NKAIN2: variants seen among roughly 807,000 people sequenced by gnomAD.
The protein encoded by NKAIN2 is sodium/potassium transporting ATPase interacting 2.
NKAIN2 carries 14 observed loss-of-function variants against 32.6 expected under a neutral mutation model. That is an observed-to-expected ratio of 0.43 (90% confidence interval 0.28 to 0.67). NKAIN2 has a LOEUF of 0.67. Ranked by LOEUF, NKAIN2 falls within the 30% of genes least tolerant of loss-of-function variation. NKAIN2 has a pLI of 0.17. For synonymous variants in NKAIN2, 80 were observed against 87.2 expected, an observed-to-expected ratio of 0.92 and a Z score of 0.46; for missense variants, 198 against 258.3, an observed-to-expected ratio of 0.77 and a Z score of 1.60.
At chr6:124,504,590 G>A (rs961772980) in intron 3 of NKAIN2, among the ~76,000 whole-genome samples, 1 of 152,068 alleles carries the variant, frequency 6.6e-6, no homozygotes, top group African/African-American at 2.4e-5. Flanking sequence ...AAATTATTTT[G>A]AGCACAAGCT....
At chr6:124,439,115 T>C (rs1775582932) in intron 3 of NKAIN2, among the ~76,000 whole-genome samples, 1 of 152,174 alleles carries the variant, frequency 6.6e-6, no homozygotes, top group Non-Finnish European at 1.5e-5. Flanking sequence ...CAATAGCTAA[T>C]GGCATCTCCA....
chr6:124,161,246 A>G lies in NKAIN2; in HGVS notation c.55-121759A>G, dbSNP rs1788261798. 1.3e-5 allele frequency among the ~76,000 whole-genome samples: 2 copies of G among 152,238 alleles called. 1 individual carries two copies. The highest frequency in any genetic ancestry group is 1.3e-4 in the Admixed American group (2 of 15,276). ...GAGAAACAGGCATGTCTTACATGGC[A>G]GGAGCAGGACTAAGAGAGTGATAAG... On this transcript the variant is annotated intron_variant, in intron 1 of 6. Coordinates refer to ENST00000368417, the MANE Select transcript of NKAIN2 (RefSeq NM_001040214.3).
At chr6:124,461,732 G>A (rs1478560479) in intron 3 of NKAIN2, among the ~76,000 whole-genome samples, 1 of 151,780 alleles carries the variant, frequency 6.6e-6, no homozygotes, top group Non-Finnish European at 1.5e-5. Flanking sequence ...CTCATTGAAG[G>A]AGAGCCTATT....
intron 4 of NKAIN2, among the ~76,000 whole-genome samples, chr6:124,750,250 C>T (rs745519625): frequency 6.6e-5 from 10 of 151,814 alleles, no homozygotes; most frequent in Non-Finnish European, 1.2e-4. Flanking sequence ...CTCATTTTTC[C>T]TCCAGGCTTA....
intron 3 of NKAIN2, among the ~76,000 whole-genome samples, chr6:124,413,151 G>C (rs945422505): frequency 1.1e-4 from 17 of 152,086 alleles, no homozygotes; most frequent in African/African-American, 4.1e-4. Flanking sequence ...CCCTGCTTCG[G>C]CTCACACACG....
intron 1 of NKAIN2, among the ~76,000 whole-genome samples, chr6:124,019,875 A>G (rs1780788519): frequency 6.6e-6 from 1 of 152,308 alleles, no homozygotes; most frequent in African/African-American, 2.4e-5. Context: ...TTTATTATAT[A>G]AGACATATTA....
chr6:124,201,690 A>C (rs1790596417), intron 1 of NKAIN2, among the ~76,000 whole-genome samples: 1 of 152,016 alleles, frequency 6.6e-6, no homozygotes, highest in South Asian at 2.1e-4. Flanking sequence ...GTGGCCATAC[A>C]TAGAGATACA....
At chr6:124,615,734 T>C (rs933130726) in intron 3 of NKAIN2, among the ~76,000 whole-genome samples, 1 of 152,214 alleles carries the variant, frequency 6.6e-6, no homozygotes, top group Non-Finnish European at 1.5e-5. Flanking sequence ...ACATAGATAT[T>C]ACACCTTTTG....
At chr6:124,751,080 G>T (rs1056219164) in intron 4 of NKAIN2, among the ~76,000 whole-genome samples, 12 of 152,010 alleles carry the variant, frequency 7.9e-5, no homozygotes, top group Non-Finnish European at 1.5e-4. Context: ...ACCTGTGTTT[G>T]CTCATTGGCC....
At chr6:124,178,164 C>T (rs1409401143) in intron 1 of NKAIN2, among the ~76,000 whole-genome samples, 1 of 152,128 alleles carries the variant, frequency 6.6e-6, no homozygotes, top group Admixed American at 6.6e-5. Flanking sequence ...CTTCAATAGA[C>T]TCCAAATTTT....
chr6:124,071,040 A>G (rs113593973), intron 1 of NKAIN2, among the ~76,000 whole-genome samples: 4,610 of 152,294 alleles, frequency 0.03, 159 homozygotes, highest in African/African-American at 0.084. Flanking sequence ...TGCTCTGGAC[A>G]AAGACACATT....
chr6:124,232,805 A>G (rs1284939044), intron 1 of NKAIN2, among the ~76,000 whole-genome samples: 1 of 152,158 alleles, frequency 6.6e-6, no homozygotes, highest in Non-Finnish European at 1.5e-5. Flanking sequence ...TTTCCAGTAT[A>G]TTCTGTTACT....
At chr6:124,422,938 A>G (rs1057113261) in intron 3 of NKAIN2, among the ~76,000 whole-genome samples, 13 of 152,260 alleles carry the variant, frequency 8.5e-5, no homozygotes, top group African/African-American at 3.1e-4. Context: ...CCTCAACTTC[A>G]TGACATACAA....
At chr6:124,087,627 G>T (rs551544411) in intron 1 of NKAIN2, among the ~76,000 whole-genome samples, 6 of 151,928 alleles carry the variant, frequency 3.9e-5, no homozygotes, top group Admixed American at 1.3e-4. Context: ...TGTGGCTATT[G>T]GGAACTCTGG....
chr6:123,911,839 A>G (rs1388719919), intron 1 of NKAIN2, among the ~76,000 whole-genome samples: 2 of 145,304 alleles, frequency 1.4e-5, no homozygotes, highest in African/African-American at 5.1e-5. Flanking sequence ...ACACACACAC[A>G]CACACACACA....
At chr6:124,531,703 C>T (rs1368341361) in intron 3 of NKAIN2, among the ~76,000 whole-genome samples, 1 of 152,110 alleles carries the variant, frequency 6.6e-6, no homozygotes, top group Admixed American at 6.5e-5. Flanking sequence ...AAGACGGAGT[C>T]TCACTCTGTT....
chr6:123,993,631 A>G (rs919019876), intron 1 of NKAIN2, among the ~76,000 whole-genome samples: 1 of 152,162 alleles, frequency 6.6e-6, no homozygotes, highest in Non-Finnish European at 1.5e-5. Flanking sequence ...TATTTTGACA[A>G]TCAGTGTTTC....
chr6:124,637,972 A>C (rs2114340352), intron 3 of NKAIN2, among the ~76,000 whole-genome samples: 1 of 152,318 alleles, frequency 6.6e-6, no homozygotes, highest in South Asian at 2.1e-4. Context: ...GAAAACAAAC[A>C]AACTGAAGGC....
intron 2 of NKAIN2, among the ~76,000 whole-genome samples, chr6:124,312,070 A>G (rs1398366576): frequency 6.6e-6 from 1 of 152,102 alleles, no homozygotes; most frequent in Non-Finnish European, 1.5e-5. Context: ...CAAACATAAA[A>G]TCACACACTT....
Sources: allele counts gnomAD v4.1 joint callset (sites outside exome capture counted in the v4.1 genomes callset), GRCh38; gene constraint gnomAD v4.1.1; transcripts MANE v1.5; gene names NCBI Gene and HGNC (gene_info 2026-07-23, HGNC 2026-07-21).